Variants in SIL1 observed in about 807,000 individuals in gnomAD.
The protein encoded by SIL1 is SIL1 nucleotide exchange factor.
A neutral mutation model predicts 49.1 loss-of-function variants in SIL1; 40 were observed. The observed-to-expected ratio is 0.81, with a 90% CI of 0.63 to 1.06. The LOEUF is 1.06. Ranked by LOEUF, SIL1 falls within the 50% of genes least tolerant of loss-of-function variation. The pLI, the probability that SIL1 is intolerant of heterozygous loss-of-function variation, is 0.00. For synonymous variants in SIL1, 253 were observed against 250.8 expected (o/e 1.01, Z -0.08); for missense variants, 500 against 572.6 (o/e 0.87, Z 1.29).
rs202084756 is a variant in SIL1, at chr5:138,947,251, G to A, written c.1252C>T (p.Leu418Phe). The A allele has an allele frequency of 1.5e-5, 25 of 1,613,588 alleles. No individual in the cohort carries two copies. The highest frequency in any genetic ancestry group is 8.5e-6 in the Non-Finnish European group (10 of 1,180,012). Residue 418 changes from leucine (L) to phenylalanine (F), a missense_variant, in exon 10 of 10, where the codon CTC becomes TTC. Coordinates refer to ENST00000394817, the MANE Select transcript of SIL1 (RefSeq NM_022464.5). The surrounding 1 kb of genome is among the most constrained non-coding windows in gnomAD (Gnocchi z 4.1). ...CRDRYRQDPQ[L>F]GRTLASLQAE... ...TGCAGGCTGGCCAGTGTCCTGCCGAGCTGGGGGTCCTGACGGTAGCGGTCC... is the reference window on the plus strand; with the variant it reads ...TGCAGGCTGGCCAGTGTCCTGCCGAACTGGGGGTCCTGACGGTAGCGGTCC...
chr5:139,193,638 G>A (rs1236195691), intron 1 of SIL1, among the ~76,000 whole-genome samples: 2 of 152,276 alleles, frequency 1.3e-5, no homozygotes, highest in East Asian at 3.9e-4. Context: ...TGAACAAAAG[G>A]TTGAAAAATA....
At chr5:139,015,759 A>T (rs1009992380) in intron 7 of SIL1, among the ~76,000 whole-genome samples, 2 of 152,246 alleles carry the variant, frequency 1.3e-5, no homozygotes, top group African/African-American at 4.8e-5. Context: ...TTTATGTCTC[A>T]TTGGTCAGAA....
chr5:139,075,086 G>A (rs1316253550), intron 3 of SIL1, among the ~76,000 whole-genome samples: 1 of 152,210 alleles, frequency 6.6e-6, no homozygotes, highest in Non-Finnish European at 1.5e-5. Context: ...GCCTCTCAAA[G>A]TGCTGGGATT....
At chr5:139,023,708 G>T (rs1019321130) in intron 6 of SIL1, among the ~76,000 whole-genome samples, 1 of 152,206 alleles carries the variant, frequency 6.6e-6, no homozygotes, top group African/African-American at 2.4e-5. Flanking sequence ...AAGGACTGGG[G>T]AAGTTCCTGG....
In SIL1 at chr5:139,149,739, C is replaced by T. The variant is rs1353180031; in HGVS notation, c.-10-21886G>A. Among the ~76,000 whole-genome samples, 3 of 152,246 alleles carry T rather than the reference C, an allele frequency of 2.0e-5. No homozygotes were observed. In the South Asian group the frequency reaches 6.2e-4, roughly 32 times the overall value. On this transcript the variant is annotated intron_variant, in intron 1 of 9. Transcript: ENST00000394817. ...ACAGAAACAAAGACAATAAGAAAGG[C>T]ATCCTAGGCAGGACAAGAGTGGTTT...
chr5:139,172,834 T>A (rs1310993263), intron 1 of SIL1, among the ~76,000 whole-genome samples: 1 of 152,140 alleles, frequency 6.6e-6, no homozygotes, highest in Non-Finnish European at 1.5e-5. Flanking sequence ...GGTCCCAGAT[T>A]CACTGCTAAG....
chr5:139,150,657 C>T (rs1297027677), intron 1 of SIL1, among the ~76,000 whole-genome samples: 28 of 152,140 alleles, frequency 1.8e-4, no homozygotes. Flanking sequence ...TATCCAGTCT[C>T]CTGAACCCCT....
chr5:139,159,537 T>C (rs938850498), intron 1 of SIL1, among the ~76,000 whole-genome samples: 11 of 152,246 alleles, frequency 7.2e-5, no homozygotes, highest in African/African-American at 2.7e-4. Context: ...TTAAGATTTA[T>C]TTTAAGAGCT....
chr5:139,109,877 C>G (rs1032432086), intron 3 of SIL1, among the ~76,000 whole-genome samples: 10 of 151,196 alleles, frequency 6.6e-5, no homozygotes, highest in African/African-American at 2.4e-4. Context: ...CCTCTAAGAG[C>G]CTGAATGACT....
At chr5:139,080,147 A>G (rs1328067860) in intron 3 of SIL1, among the ~76,000 whole-genome samples, 1 of 152,260 alleles carries the variant, frequency 6.6e-6, no homozygotes, top group African/African-American at 2.4e-5. Flanking sequence ...AAATATAAAC[A>G]TAAAACTTGC....
At chr5:139,190,598 T>G (rs1752150259) in intron 1 of SIL1, among the ~76,000 whole-genome samples, 1 of 152,212 alleles carries the variant, frequency 6.6e-6, no homozygotes, top group Admixed American at 6.5e-5. Flanking sequence ...CCCACTATTA[T>G]GTGGGTGGCC....
At chr5:139,122,294 A>G (rs1251648149) in intron 2 of SIL1, among the ~76,000 whole-genome samples, 3 of 152,164 alleles carry the variant, frequency 2.0e-5, no homozygotes, top group African/African-American at 7.2e-5. Flanking sequence ...TTAACTTTCA[A>G]CTAACACCTC....
intron 5 of SIL1, chr5:139,035,640 A>G: frequency 4.0e-6 from 1 of 247,382 alleles, no homozygotes. Context: ...TCAGGTATAC[A>G]ACTTTTTTTT....
At position 139,054,615 on chromosome 5, in the gene SIL1, T is replaced by C. The variant is rs571825623; in HGVS notation, c.245-3569A>G. 8.5e-5 allele frequency among the ~76,000 whole-genome samples: 13 copies of C among 152,286 alleles called. No homozygotes were observed. In the South Asian group the frequency reaches 2.7e-3, roughly 32 times the overall value. On this transcript the variant is annotated intron_variant, in intron 3 of 9. Coordinates refer to ENST00000394817, the MANE Select transcript of SIL1 (RefSeq NM_022464.5). ...ATATAATAAAAATAGTATTTAAAATTTTCAAACTTTTGACCAAAGTTAGAA... is the reference window on the plus strand; with the variant it reads ...ATATAATAAAAATAGTATTTAAAATCTTCAAACTTTTGACCAAAGTTAGAA...
intron 1 of SIL1, among the ~76,000 whole-genome samples, chr5:139,183,129 C>G (rs1752021328): frequency 6.6e-6 from 1 of 152,204 alleles, no homozygotes; most frequent in Non-Finnish European, 1.5e-5. Context: ...CAGTAAGGTC[C>G]TAAGTCATCA....
chr5:139,145,965 T>C (rs933002567), intron 1 of SIL1, among the ~76,000 whole-genome samples: 5 of 151,874 alleles, frequency 3.3e-5, no homozygotes, highest in African/African-American at 9.7e-5. Context: ...TGTGTGTATA[T>C]ATAAGTATGT....
intron 4 of SIL1, among the ~76,000 whole-genome samples, chr5:139,046,209 C>G (rs1295962915): frequency 1.3e-5 from 2 of 152,210 alleles, no homozygotes. Context: ...CACCTGTAAT[C>G]CCAGCTACTC....
intron 7 of SIL1, chr5:139,013,547 T>G (rs898362755): frequency 6.6e-6 from 1 of 151,186 alleles, no homozygotes; most frequent in Non-Finnish European, 1.5e-5. Context: ...CTTTCCATTA[T>G]ATTTGCTTTA....
chr5:139,008,141 C>T (rs1033258788), intron 7 of SIL1, among the ~76,000 whole-genome samples: 32 of 151,022 alleles, frequency 2.1e-4, no homozygotes, highest in Non-Finnish European at 4.0e-4. Flanking sequence ...ATTTCAGCTC[C>T]TGTTATTGGT....
Sources: gnomAD v4.1 joint callset for allele counts (sites outside exome capture counted in the v4.1 genomes callset) on GRCh38, gnomAD v4.1.1 for gene constraint, Gnocchi (gnomAD v3.1) non-coding constraint, MANE v1.5 for transcripts, NCBI Gene and HGNC (gene_info 2026-07-23, HGNC 2026-07-21) for gene names.